ASTN2: variants seen among roughly 807,000 people sequenced by gnomAD.
The protein encoded by ASTN2 is astrotactin-2.
Under a neutral mutation model 139.8 loss-of-function variants are expected in ASTN2, and 54 were observed. That is an observed-to-expected ratio of 0.39 (90% confidence interval 0.31 to 0.48). The LOEUF (loss-of-function observed/expected upper bound fraction) is 0.48. Among genes scored for constraint, ASTN2 ranks in the 20% least tolerant of loss-of-function variants. The pLI is 0.95. For synonymous variants in ASTN2, 756 were observed against 719.5 expected (o/e 1.05, Z -0.81); for missense variants, 1,565 against 1,725.1 (o/e 0.91, Z 1.64).
chr9:116,748,509 C>T (rs921123202), intron 13 of ASTN2, among the ~76,000 whole-genome samples: 1 of 152,200 alleles, frequency 6.6e-6, no homozygotes, highest in Non-Finnish European at 1.5e-5. Flanking sequence ...TTAGGATCTT[C>T]ATATTCCAGT....
chr9:116,594,581 G>A (rs186368274), intron 19 of ASTN2, among the ~76,000 whole-genome samples: 64 of 152,294 alleles, frequency 4.2e-4, no homozygotes, highest in African/African-American at 1.5e-3. Context: ...CGATTTTGCA[G>A]TCACTTTATG....
intron 16 of ASTN2, among the ~76,000 whole-genome samples, chr9:116,671,887 C>A (rs1859214437): frequency 6.6e-6 from 1 of 152,066 alleles, no homozygotes. Context: ...ACAGCTTCTG[C>A]CATTAACTTG....
chr9:117,127,944 T>C (rs1218352884), intron 4 of ASTN2, among the ~76,000 whole-genome samples: 1 of 152,022 alleles, frequency 6.6e-6, no homozygotes, highest in South Asian at 2.1e-4. Flanking sequence ...CCTCCCAAAG[T>C]GCTGGGATTA....
chr9:117,005,960 G>A (rs1019776410), intron 7 of ASTN2, among the ~76,000 whole-genome samples: 8 of 152,098 alleles, frequency 5.3e-5, no homozygotes, highest in African/African-American at 1.9e-4. Context: ...ACAAGTGCAG[G>A]CTCCCAGCAC....
intron 2 of ASTN2, among the ~76,000 whole-genome samples, chr9:117,224,480 T>C (rs992516707): frequency 1.3e-5 from 2 of 152,232 alleles, no homozygotes; most frequent in Non-Finnish European, 2.9e-5. Context: ...GTTTCCCAGC[T>C]GCATTCCTCC....
chr9:117,179,275 A>G lies in ASTN2; in HGVS notation c.1015+35083T>C, dbSNP rs529745325. Reference sequence around the variant, plus strand: ...TATGTATGTATGCATACATGTATATAAATATATATAATGATATGCTGATAT... The same window carrying G: ...TATGTATGTATGCATACATGTATATGAATATATATAATGATATGCTGATAT... On this transcript the variant is annotated intron_variant, in intron 3 of 22. Transcript: ENST00000313400. Among the ~76,000 whole-genome samples the G allele has an allele frequency of 2.6e-5, 4 of 152,314 alleles. No homozygotes were observed. The East Asian group carries it at 7.7e-4, about 29-fold the overall frequency.
chr9:116,523,963 C>G (rs561794061), intron 19 of ASTN2, among the ~76,000 whole-genome samples: 1 of 152,226 alleles, frequency 6.6e-6, no homozygotes, highest in South Asian at 2.1e-4. Context: ...TATTTTATGG[C>G]CAGTGCTGGG....
chr9:116,574,103 C>G (rs1411214981), intron 19 of ASTN2, among the ~76,000 whole-genome samples: 1 of 152,146 alleles, frequency 6.6e-6, no homozygotes, highest in African/African-American at 2.4e-5. Context: ...GATCAAAGGT[C>G]AGCAACTTTT....
chr9:117,006,709 T>G (rs1239454237), intron 7 of ASTN2, among the ~76,000 whole-genome samples: 2 of 152,154 alleles, frequency 1.3e-5, no homozygotes, highest in Non-Finnish European at 2.9e-5. Context: ...GTCCATATTA[T>G]AGTATACAAG....
intron 5 of ASTN2, among the ~76,000 whole-genome samples, chr9:117,065,875 T>C (rs1161256061): frequency 6.6e-6 from 1 of 152,156 alleles, no homozygotes; most frequent in African/African-American, 2.4e-5. Context: ...AATAGGCATA[T>C]GCTCTGATTC....
At chr9:117,129,338 A>G (rs1355172618) in intron 4 of ASTN2, among the ~76,000 whole-genome samples, 2 of 151,998 alleles carry the variant, frequency 1.3e-5, no homozygotes, top group Non-Finnish European at 1.5e-5. Flanking sequence ...CCCTATCTCC[A>G]CCCCTTGATG....
At chr9:116,929,972 T>A (rs181143536) in intron 10 of ASTN2, among the ~76,000 whole-genome samples, 21 of 152,306 alleles carry the variant, frequency 1.4e-4, no homozygotes, top group African/African-American at 5.1e-4. Flanking sequence ...CAGCTGTCAG[T>A]CCCCTGATAC....
chr9:116,472,749 CAAA>C (rs1332932384), intron 20 of ASTN2, among the ~76,000 whole-genome samples: 1 of 134,424 alleles, frequency 7.4e-6, no homozygotes, highest in Non-Finnish European at 1.6e-5. Flanking sequence ...ACTAAAAATA[CAAA>C]AAAAAAAAAA....
intron 6 of ASTN2, among the ~76,000 whole-genome samples, chr9:117,030,030 G>A (rs927561936): frequency 2.0e-5 from 3 of 150,154 alleles, no homozygotes; most frequent in African/African-American, 4.9e-5. Flanking sequence ...TAAAAAAAAC[G>A]CTGAAGTTTA....
intron 1 of ASTN2, among the ~76,000 whole-genome samples, chr9:117,291,979 C>T (rs7035566): frequency 1 from 152,230 of 152,280 alleles, 76,090 homozygotes; most frequent in Non-Finnish European, 1. Context: ...CAAGAGAGCA[C>T]CAACTCAGCT....
intron 10 of ASTN2, among the ~76,000 whole-genome samples, chr9:116,903,215 T>G (rs1834065855): frequency 1.3e-5 from 2 of 152,222 alleles, no homozygotes; most frequent in African/African-American, 4.8e-5. Flanking sequence ...AAGCCCCTGC[T>G]GTAATTTTAC....
intron 1 of ASTN2, among the ~76,000 whole-genome samples, chr9:117,394,051 T>C (rs1393786207): frequency 6.6e-6 from 1 of 152,196 alleles, no homozygotes; most frequent in East Asian, 1.9e-4. Flanking sequence ...TTGGTGTCTT[T>C]TCAAAATAAA....
intron 1 of ASTN2, among the ~76,000 whole-genome samples, chr9:117,324,357 A>G (rs938367168): frequency 5.3e-5 from 8 of 152,222 alleles, no homozygotes; most frequent in African/African-American, 1.9e-4. Flanking sequence ...AGGAGGTTTA[A>G]TTGGTTCACA....
chr9:116,452,729 C>T (rs896726180), intron 20 of ASTN2, among the ~76,000 whole-genome samples: 4 of 152,196 alleles, frequency 2.6e-5, no homozygotes, highest in African/African-American at 9.7e-5. Flanking sequence ...ACTCAAAGTC[C>T]ACTGCTCTTT....
Sources: gnomAD v4.1 joint callset for allele counts (sites outside exome capture counted in the v4.1 genomes callset) on GRCh38, gnomAD v4.1.1 for gene constraint, MANE v1.5 for transcripts, NCBI Gene and HGNC (gene_info 2026-07-23, HGNC 2026-07-21) for gene names.